POU2F2: variants seen among roughly 807,000 people sequenced by gnomAD.
POU2F2 encodes POU domain, class 2, transcription factor 2.
A neutral mutation model predicts 63.5 loss-of-function variants in POU2F2; 14 were observed. That is an observed-to-expected ratio of 0.22 (90% CI 0.15 to 0.34). The LOEUF (loss-of-function observed/expected upper bound fraction) is 0.34, where lower values mean the gene tolerates loss of function less well. POU2F2 is among the 10% of genes least tolerant of loss of function. POU2F2 has a pLI of 1.00. For missense variants in POU2F2, 607 were observed against 815.2 expected (o/e 0.74, Z 3.11); for synonymous variants, 306 against 348.6 (o/e 0.88, Z 1.36).
rs1287559633 is a variant in POU2F2 at position 42,195,506 on chromosome 19, G to T, written c.-70+877C>A. Among the ~76,000 whole-genome samples, 6 of 151,542 alleles carry T rather than the reference G, an allele frequency of 4.0e-5. No homozygotes were observed. The East Asian group carries it at 9.8e-4, about 25-fold the overall frequency. ...CGCCACCACACCAGGCTAATTTTTT[G>T]TATTTTTAGTAGAGAAGGGGTTTCC... On this transcript the variant is annotated intron_variant, in intron 1 of 5. Coordinates refer to the POU2F2 transcript ENST00000532176.
chr19:42,139,459 C>T (rs998276911), intron 2 of POU2F2, among the ~76,000 whole-genome samples: 1 of 152,200 alleles, frequency 6.6e-6, no homozygotes, highest in African/African-American at 2.4e-5. Context: ...GAGAAGCACT[C>T]TAAGACTTCT....
upstream of POU2F2, chr19:42,133,109 C>T (rs1253238209): frequency 6.6e-6 from 1 of 152,230 alleles, no homozygotes; most frequent in African/African-American, 2.4e-5. This position sits in a 1 kb window ranked among gnomAD's most constrained non-coding sequence, Gnocchi z 5.1. Context: ...GGGACTTGGC[C>T]TGGGGCTACA....
chr19:42,122,705 T>G, intron 1 of POU2F2, 129 bp from the exon 2 acceptor site: 1 of 821,616 alleles, frequency 1.2e-6, no homozygotes, highest in Non-Finnish European at 1.9e-6. Context: ...ACCTTGGAAG[T>G]GTCTCTTCCC....
chr19:42,129,698 G>A (rs2033532880), intron 1 of POU2F2, among the ~76,000 whole-genome samples: 1 of 152,122 alleles, frequency 6.6e-6, no homozygotes, highest in South Asian at 2.1e-4. Flanking sequence ...ACCTCTGTGG[G>A]CCCAGCTGGC....
At position 42,195,011 on chromosome 19, in the gene POU2F2, GAGGGAGGGAGGGAGGAACGA is replaced by G. The variant is rs766937562; in HGVS notation, c.-70+1352_-70+1371del. On this transcript the variant is annotated intron_variant, in intron 1 of 5. Coordinates refer to the POU2F2 transcript ENST00000532176. The stretch of plus-strand genomic sequence containing the variant: ...AGAGGGAGGGAGGAAGGGAGGGAGA[GAGGGAGGGAGGGAGGAACGA>G]AGGGAGGGAGGGAGGAAGGAAGGGA... Among the ~76,000 whole-genome samples the G allele has an allele frequency of 2.2e-3, 196 of 90,570 alleles. 1 individual carries two copies. The highest frequency in any genetic ancestry group is 6.8e-3 in the Middle Eastern group (1 of 146). The allele number at this position is 90,570 out of a possible 152,430, so 59.4% of individuals were successfully genotyped here.
chr19:42,132,184 C>T (rs1047237383), intron 1 of POU2F2, among the ~76,000 whole-genome samples, 200 bp downstream of exon 1: 1 of 152,160 alleles, frequency 6.6e-6, no homozygotes, highest in Non-Finnish European at 1.5e-5. Context: ...TTGGAAGTTC[C>T]GGTGCCTGAT....
chr19:42,193,454 C>T (rs1297626141), intron 1 of POU2F2, among the ~76,000 whole-genome samples: 1 of 152,102 alleles, frequency 6.6e-6, no homozygotes, highest in Non-Finnish European at 1.5e-5. Flanking sequence ...GGAGAAGGCA[C>T]CACAGAAGCA....
At position 42,089,504 on chromosome 19, in the gene POU2F2, A is replaced by G. The variant is rs1478214269; in HGVS notation, c.*1753T>C. ...CTCTCAGCCCCGCCCACCCGCTTCC[A>G]TCTGCCCTGGCCGAGGGACAGGCCC... is the stretch of plus-strand genomic sequence containing the variant. On this transcript the variant is annotated 3_prime_UTR_variant, in exon 15 of 15. Transcript: ENST00000692977. 1 of 145,956 alleles carries G rather than the reference A, an allele frequency of 6.9e-6. No individual in the cohort carries two copies. The highest frequency in any genetic ancestry group is 1.5e-5 in the Non-Finnish European group (1 of 66,270). 9.0% of individuals were successfully genotyped at this position (145,956 alleles called of 1,614,324 possible).
At chr19:42,160,718 G>A (rs1384994285) in intron 1 of POU2F2, among the ~76,000 whole-genome samples, 1 of 152,214 alleles carries the variant, frequency 6.6e-6, no homozygotes, top group East Asian at 1.9e-4. Context: ...TTTGTGTTTG[G>A]CAGAGGGCCT....
intron 1 of POU2F2, among the ~76,000 whole-genome samples, chr19:42,128,720 C>T (rs1034024747): frequency 6.6e-6 from 1 of 152,162 alleles, no homozygotes; most frequent in Non-Finnish European, 1.5e-5. Context: ...AGATGCCCAT[C>T]GCCTATCACT....
chr19:42,178,334 A>G (rs2034920840), upstream of POU2F2, among the ~76,000 whole-genome samples: 3 of 152,126 alleles, frequency 2.0e-5, no homozygotes, highest in Admixed American at 2.0e-4. Flanking sequence ...TGGGGAGAGA[A>G]AGAGACTAAT....
Position 42,091,380 on chromosome 19 carries a change from C to A in POU2F2, c.1752G>T (p.Lys584Asn). Residue 584 changes from lysine to asparagine, a missense_variant, in exon 15 of 15, where the codon AAG (lysine) becomes AAT (asparagine). Lys to Asn is a moderately conservative substitution (Grantham distance 94). Coordinates refer to ENST00000692977, the MANE Select transcript of POU2F2 (RefSeq NM_001394376.1). ...AGGATGAGGAGGAGAGGCCAGGAGACTTGCTGGAGATGGAGGCTGCCACAG... is the reference window on the plus strand; with the variant it reads ...AGGATGAGGAGGAGAGGCCAGGAGAATTGCTGGAGATGGAGGCTGCCACAG... ...AAAVAASISS[K>N]SPGLSSSSSS... 6.5e-7 allele frequency: 1 copy of A among 1,542,324 alleles called. No homozygotes were observed.
intron 1 of POU2F2, among the ~76,000 whole-genome samples, chr19:42,195,122 G>A (rs1442127097): frequency 2.3e-5 from 2 of 88,326 alleles, no homozygotes; most frequent in Non-Finnish European, 4.4e-5. Flanking sequence ...AGGGAGGAAC[G>A]AAGAGAGGGA....
At chr19:42,163,206 C>G (rs1173427409) in intron 1 of POU2F2, among the ~76,000 whole-genome samples, 1 of 152,106 alleles carries the variant, frequency 6.6e-6, no homozygotes. Flanking sequence ...GAATGGCCCA[C>G]AAAGGGCCAT....
intron 1 of POU2F2, among the ~76,000 whole-genome samples, chr19:42,126,046 G>C (rs1179406352): frequency 1.8e-4 from 28 of 152,184 alleles, no homozygotes; most frequent in Admixed American, 1.8e-3. Context: ...CCTAATTCCT[G>C]ATACCTCAAA....
At position 42,092,683 on chromosome 19, in the gene POU2F2, G is replaced by A. The variant is rs1263468140; in HGVS notation, c.1265-413C>T. Among the ~76,000 whole-genome samples, 1 of 152,104 alleles carries A rather than the reference G, an allele frequency of 6.6e-6. No individual in the cohort carries two copies. The highest frequency in any genetic ancestry group is 2.4e-5 in the African/African-American group (1 of 41,392). On this transcript the variant is annotated intron_variant, in intron 12 of 14. Coordinates refer to ENST00000692977, the MANE Select transcript of POU2F2 (RefSeq NM_001394376.1). The surrounding 1 kb of genome is among the most constrained non-coding windows in gnomAD (Gnocchi z 5.0). ...AGGGCCCAGACTCAGCCAGACTGCT[G>A]GGGTAGAAACTCCTGGCTCTGTCTC...
Position 42,162,232 on chromosome 19 carries a change from A to C in POU2F2, c.-69-1840T>G, listed in dbSNP as rs2034566138. Reference sequence around the variant, plus strand: ...TGGGGCTGTGGTGCCCATAGGCAGCACCATCCCTGGCATATCTGCTTCCAA... The same window carrying C: ...TGGGGCTGTGGTGCCCATAGGCAGCCCCATCCCTGGCATATCTGCTTCCAA... On this transcript the variant is annotated intron_variant, in intron 1 of 6. Coordinates refer to the POU2F2 transcript ENST00000524801. This position sits in a 1 kb window ranked among gnomAD's most constrained non-coding sequence, Gnocchi z 4.1. Among the ~76,000 whole-genome samples the C allele has an allele frequency of 6.6e-6, 1 of 152,092 alleles. No individual in the cohort carries two copies.
At chr19:42,189,059 T>A (rs933756469) in intron 1 of POU2F2, among the ~76,000 whole-genome samples, 2 of 152,142 alleles carry the variant, frequency 1.3e-5, no homozygotes, top group African/African-American at 4.8e-5. Context: ...AAAATGTACT[T>A]GGATTTGGCA....
At chr19:42,137,542 C>T (rs1486598366) in intron 2 of POU2F2, among the ~76,000 whole-genome samples, 1 of 151,792 alleles carries the variant, frequency 6.6e-6, no homozygotes, top group Non-Finnish European at 1.5e-5. Context: ...GACAACATAT[C>T]GAGACCCCAT....
Sources: gnomAD v4.1 joint callset for allele counts (sites outside exome capture counted in the v4.1 genomes callset) on GRCh38, gnomAD v4.1.1 for gene constraint, Gnocchi (gnomAD v3.1) non-coding constraint, MANE v1.5 for transcripts, NCBI Gene and HGNC (gene_info 2026-07-23, HGNC 2026-07-21) for gene names.